SLC71A2: variants seen among roughly 807,000 people sequenced by gnomAD.
The protein encoded by SLC71A2 is solute carrier family 71 member 2, also known as hippocampus abundant transcript-like 1.
the SLC71A2 span, among the ~76,000 whole-genome samples, chr9:94,456,981 C>T: frequency 2.0e-5 from 3 of 149,268 alleles, no homozygotes; most frequent in African/African-American, 7.4e-5. Context: ...CCCCCACCTC[C>T]TACCCCTTAC....
chr9:94,422,331 G>A, the SLC71A2 span, among the ~76,000 whole-genome samples: 1 of 152,086 alleles, frequency 6.6e-6, no homozygotes, highest in Non-Finnish European at 1.5e-5. Flanking sequence ...TAAACTGTAA[G>A]TATAACAGTT....
At chr9:94,437,582 A>G in the SLC71A2 span, among the ~76,000 whole-genome samples, 5 of 152,210 alleles carry the variant, frequency 3.3e-5, no homozygotes, top group African/African-American at 1.2e-4. Flanking sequence ...TTTGATCGAC[A>G]AAGTTGACAA....
the SLC71A2 span, among the ~76,000 whole-genome samples, chr9:94,397,395 A>G: frequency 6.6e-6 from 1 of 152,092 alleles, no homozygotes; most frequent in Non-Finnish European, 1.5e-5. Flanking sequence ...CCAGGAGTTC[A>G]AGACCAGCTT....
At chr9:94,445,221 C>G in the SLC71A2 span, 4 of 1,492,386 alleles carry the variant, frequency 2.7e-6, no homozygotes, top group Non-Finnish European at 9.1e-7. Flanking sequence ...TCCTAAATGT[C>G]TTTCTAAGCC....
At chr9:94,424,610 G>GTA in the SLC71A2 span, among the ~76,000 whole-genome samples, 1 of 150,156 alleles carries the variant, frequency 6.7e-6, no homozygotes, top group African/African-American at 2.5e-5. Context: ...TTTTATGTCT[G>GTA]TATATATATA....
the SLC71A2 span, among the ~76,000 whole-genome samples, chr9:94,385,771 G>A: frequency 6.6e-6 from 1 of 151,898 alleles, no homozygotes; most frequent in African/African-American, 2.4e-5. Context: ...TTTGAAATCA[G>A]GAAGTGTGTG....
the SLC71A2 span, among the ~76,000 whole-genome samples, chr9:94,378,616 A>G: frequency 1.3e-5 from 2 of 152,134 alleles, no homozygotes; most frequent in African/African-American, 4.8e-5. Context: ...AACAAACAAT[A>G]AACAAAACCA....
At chr9:94,436,177 T>C in the SLC71A2 span, among the ~76,000 whole-genome samples, 2 of 152,242 alleles carry the variant, frequency 1.3e-5, no homozygotes, top group African/African-American at 4.8e-5. Context: ...CAAATATTTT[T>C]CATCCATGAT....
chr9:94,453,468 A>C, the SLC71A2 span, among the ~76,000 whole-genome samples: 1 of 152,198 alleles, frequency 6.6e-6, no homozygotes. Context: ...TCTTTCATCC[A>C]ACCCCTTTTT....
the SLC71A2 span, among the ~76,000 whole-genome samples, chr9:94,421,776 G>T: frequency 4.6e-5 from 7 of 152,002 alleles, no homozygotes; most frequent in African/African-American, 1.5e-4. Context: ...TTTCCTTCTC[G>T]TGAACTAGAG....
At chr9:94,380,001 C>T in the SLC71A2 span, among the ~76,000 whole-genome samples, 4 of 152,216 alleles carry the variant, frequency 2.6e-5, no homozygotes, top group Non-Finnish European at 5.9e-5. Flanking sequence ...GACGCGGTGG[C>T]TTACGCCTAT....
At chr9:94,455,302 G>A in the SLC71A2 span, among the ~76,000 whole-genome samples, 1 of 149,530 alleles carries the variant, frequency 6.7e-6, no homozygotes, top group Non-Finnish European at 1.5e-5. Flanking sequence ...CTGAGTAGCT[G>A]GGAGTATGTA....
At chr9:94,379,103 T>TTTTTTTTTTTTTTTG in the SLC71A2 span, among the ~76,000 whole-genome samples, 1 of 142,338 alleles carries the variant, frequency 7.0e-6, no homozygotes, top group Admixed American at 7.0e-5. Flanking sequence ...TTTTTTTTTT[T>TTTTTTTTTTTTTTTG]GAGACGGAGT....
the SLC71A2 span, among the ~76,000 whole-genome samples, chr9:94,409,156 T>TTTGAG: frequency 3.2e-5 from 4 of 123,434 alleles, no homozygotes; most frequent in African/African-American, 1.4e-4. Context: ...TTTTTTTTTT[T>TTTGAG]AAGGCAAGGT....
chr9:94,432,997 G>A, the SLC71A2 span: 18 of 436,316 alleles, frequency 4.1e-5, no homozygotes, highest in East Asian at 1.0e-3. Context: ...TCGTTGTTGA[G>A]CTCCTCTGAA....
At chr9:94,459,207 T>A in the SLC71A2 span, 4 of 1,614,124 alleles carry the variant, frequency 2.5e-6, no homozygotes, top group Non-Finnish European at 3.4e-6. Context: ...GCATGTATAG[T>A]CCTTATGTCT....
the SLC71A2 span, among the ~76,000 whole-genome samples, chr9:94,446,342 T>C: frequency 6.6e-6 from 1 of 152,240 alleles, no homozygotes; most frequent in East Asian, 1.9e-4. Context: ...TTTGACCTTA[T>C]GGCTGGAGCG....
the SLC71A2 span, among the ~76,000 whole-genome samples, chr9:94,441,506 A>G: frequency 0.19 from 29,230 of 152,126 alleles, 2,994 homozygotes; most frequent in Middle Eastern, 0.28. Flanking sequence ...CCATGATCCA[A>G]TCACCTCCCA....
At chr9:94,398,055 A>C in the SLC71A2 span, among the ~76,000 whole-genome samples, 1 of 151,576 alleles carries the variant, frequency 6.6e-6, no homozygotes, top group Non-Finnish European at 1.5e-5. Context: ...ATTCCTCTGC[A>C]TGGGAGATTT....
Sources: gnomAD v4.1 joint callset for allele counts (sites outside exome capture counted in the v4.1 genomes callset) on GRCh38, gnomAD v4.1.1 for gene constraint, MANE v1.5 for transcripts, NCBI Gene and HGNC (gene_info 2026-07-23, HGNC 2026-07-21) for gene names.